The following WIF1 variants were observed in gnomAD, a reference collection of about 807,000 sequenced individuals.
WIF1 encodes the protein Wnt inhibitory factor 1.
A neutral mutation model predicts 53.5 loss-of-function variants in WIF1; 35 were observed. The observed-to-expected ratio is 0.65, with a 90% confidence interval of 0.50 to 0.87. The LOEUF is 0.87. Ranked by LOEUF, WIF1 falls within the 40% of genes least tolerant of loss-of-function variation. WIF1 has a pLI of 0.00. For missense variants in WIF1, 467 were observed against 476.8 expected (o/e 0.98, Z 0.19); for synonymous variants, 171 against 170.4 (o/e 1.00, Z -0.03).
chr12:65,062,380 A>T, intron 7 of WIF1, 101 bp downstream of exon 7: 1 of 1,007,244 alleles, frequency 9.9e-7, no homozygotes, highest in Non-Finnish European at 1.4e-6. Context: ...CAAGTTATTC[A>T]TTCTCTCTGG....
At chr12:65,102,232 A>C (rs914479932) in intron 2 of WIF1, among the ~76,000 whole-genome samples, 3 of 152,164 alleles carry the variant, frequency 2.0e-5, no homozygotes, top group Non-Finnish European at 1.5e-5. Flanking sequence ...CTCCAGAGAA[A>C]CAGAACCAAT....
intron 7 of WIF1, among the ~76,000 whole-genome samples, chr12:65,058,499 G>T (rs547965003): frequency 6.6e-6 from 1 of 152,252 alleles, no homozygotes; most frequent in South Asian, 2.1e-4. Context: ...CCGCAGTCAG[G>T]AAGGAGGACG....
At chr12:65,092,707 C>T (rs1011075092) in intron 2 of WIF1, among the ~76,000 whole-genome samples, 5 of 151,942 alleles carry the variant, frequency 3.3e-5, no homozygotes, top group South Asian at 2.1e-4. Context: ...ATAAAAATAG[C>T]GAAGAGGCCA....
At chr12:65,054,248 A>C (rs1240152817) in intron 9 of WIF1, 2 of 152,082 alleles carry the variant, frequency 1.3e-5, no homozygotes, top group Admixed American at 6.6e-5. Context: ...ATGTGACTGA[A>C]GTCTTCCTTT....
chr12:65,089,450 A>G (rs1249685419), intron 2 of WIF1, among the ~76,000 whole-genome samples: 1 of 152,246 alleles, frequency 6.6e-6, no homozygotes, highest in Middle Eastern at 3.4e-3. Context: ...AATCGGCACC[A>G]TCATCCAATT....
chr12:65,055,038 G>T, intron 9 of WIF1, 80 bp downstream of exon 9: 1 of 1,425,554 alleles, frequency 7.0e-7, no homozygotes, highest in Non-Finnish European at 9.7e-7. Context: ...AAGTGAAAAG[G>T]CTGGCCCTTC....
At chr12:65,089,364 C>A (rs932882318) in intron 2 of WIF1, among the ~76,000 whole-genome samples, 6 of 152,114 alleles carry the variant, frequency 3.9e-5, no homozygotes, top group Admixed American at 2.6e-4. Context: ...AATATTATGA[C>A]CAAAATTCAG....
rs187643770 is a variant in WIF1, at chr12:65,102,873, A to G, written c.288+17544T>C. Among the ~76,000 whole-genome samples, 20 of 152,312 alleles carry G rather than the reference A, an allele frequency of 1.3e-4. No individual in the cohort carries two copies. The East Asian group carries it at 3.3e-3, about 25-fold the overall frequency. ...ATTGGGTGGACAACTATCTATAACCAAGTAAATACCATTCTAGAAAAGCCT... is the reference window on the plus strand; with the variant it reads ...ATTGGGTGGACAACTATCTATAACCGAGTAAATACCATTCTAGAAAAGCCT... On this transcript the variant is annotated intron_variant, in intron 2 of 9. Coordinates refer to ENST00000286574, the MANE Select transcript of WIF1 (RefSeq NM_007191.5).
At chr12:65,113,098 C>T (rs187255114) in intron 2 of WIF1, among the ~76,000 whole-genome samples, 10 of 152,252 alleles carry the variant, frequency 6.6e-5, no homozygotes, top group Admixed American at 1.3e-4. Flanking sequence ...GTGCTTGAGT[C>T]GGAGAGAAAG....
intron 6 of WIF1, among the ~76,000 whole-genome samples, chr12:65,064,007 C>G (rs1012481459): frequency 6.6e-6 from 1 of 152,194 alleles, no homozygotes; most frequent in African/African-American, 2.4e-5. Context: ...TTTAGGAGAA[C>G]AAGCTCTTGG....
chr12:65,067,211 C>G (rs1317485854), intron 5 of WIF1, among the ~76,000 whole-genome samples: 2 of 152,038 alleles, frequency 1.3e-5, no homozygotes, highest in Non-Finnish European at 1.5e-5. Flanking sequence ...GTCAGATAAG[C>G]TCTTAGTATT....
chr12:65,081,521 T>C (rs1028742594), intron 2 of WIF1, among the ~76,000 whole-genome samples: 17 of 152,166 alleles, frequency 1.1e-4, no homozygotes, highest in African/African-American at 3.6e-4. Context: ...CAGCTAGGCT[T>C]AATAGATTTC....
At chr12:65,054,846 T>C (rs569026787) in intron 9 of WIF1, among the ~76,000 whole-genome samples, 62 of 152,330 alleles carry the variant, frequency 4.1e-4, no homozygotes, top group African/African-American at 1.5e-3. Flanking sequence ...ATATTTGTGA[T>C]ATTTTACAGA....
In WIF1 at chr12:65,077,853, G is replaced by C; in HGVS notation, c.290C>G (p.Ala97Gly). The C allele has an allele frequency of 1.9e-6, 3 of 1,612,278 alleles. No individual in the cohort carries two copies. The change falls in exon 3 of 10, where the codon GCA becomes GGA. Residue 97 changes from alanine to glycine, a missense_variant and splice_region_variant. By Grantham distance (60) the Ala-to-Gly change is moderately conservative. Coordinates refer to ENST00000286574, the MANE Select transcript of WIF1 (RefSeq NM_007191.5). Reference sequence around the variant, plus strand: ...GGACAGGAATTCATAGAAGTATTCTGCCTACAACCAAAGGCACTGACAGTT... The same window carrying C: ...GGACAGGAATTCATAGAAGTATTCTCCCTACAACCAAAGGCACTGACAGTT... ...MNFTWQAAGQ[A>G]EYFYEFLSLR... is the part of the protein sequence containing the mutation.
At position 65,056,366 on chromosome 12, in the gene WIF1, C is replaced by CTTTTTTTT. The variant is rs10584146; in HGVS notation, c.827-248_827-241dup. Among the ~76,000 whole-genome samples the CTTTTTTTT allele has an allele frequency of 4.1e-4, 10 of 24,264 alleles. 2 individuals carry two copies. Among genetic ancestry groups the CTTTTTTTT allele is most frequent in the African/African-American group, 9.8e-4 (7 of 7,162 alleles). 15.9% of individuals were successfully genotyped at this position (24,264 alleles called of 152,430 possible). ...GTTGCCAAAATGCTGCATTTATATC[C>CTTTTTTTT]TTTTTTTTTTTTTTTTTTTTTTTTT... is the stretch of plus-strand genomic sequence containing the variant. On this transcript the variant is annotated intron_variant, in intron 7 of 9. Coordinates refer to ENST00000286574, the MANE Select transcript of WIF1 (RefSeq NM_007191.5).
intron 2 of WIF1, among the ~76,000 whole-genome samples, chr12:65,116,472 A>T (rs1883512220): frequency 6.6e-6 from 1 of 151,200 alleles, no homozygotes; most frequent in Non-Finnish European, 1.5e-5. Flanking sequence ...CTCAGATGGG[A>T]CCATCTAGTT....
chr12:65,114,716 A>G (rs1026198653), intron 2 of WIF1, among the ~76,000 whole-genome samples: 1 of 152,190 alleles, frequency 6.6e-6, no homozygotes, highest in African/African-American at 2.4e-5. Flanking sequence ...GTGGTTATAC[A>G]TAAAAACAAA....
intron 2 of WIF1, among the ~76,000 whole-genome samples, chr12:65,112,614 A>G (rs1443678370): frequency 9.9e-5 from 15 of 152,174 alleles, no homozygotes; most frequent in Admixed American, 9.8e-4. Flanking sequence ...CATAGCCAAG[A>G]AGAGAGAAAC....
rs376695683 is a variant in WIF1, at chr12:65,083,901, C to T, written c.289-6047G>A. The T allele has an allele frequency of 2.8e-4, 93 of 337,150 alleles. 1 individual carries two copies. The highest frequency in any genetic ancestry group is 1.8e-3 in the African/African-American group (73 of 39,646). The allele number at this position is 337,150 out of a possible 1,614,324, so 20.9% of individuals were successfully genotyped here. Reference sequence around the variant, plus strand: ...TTGCCCAGGCTGGGATGCAGTAGCACGATCATGGCTCACTGTAGCCTCAAC... The same window carrying T: ...TTGCCCAGGCTGGGATGCAGTAGCATGATCATGGCTCACTGTAGCCTCAAC... On this transcript the variant is annotated intron_variant, in intron 2 of 9. Coordinates refer to ENST00000286574, the MANE Select transcript of WIF1 (RefSeq NM_007191.5).
Sources: gnomAD v4.1 joint callset for allele counts (sites outside exome capture counted in the v4.1 genomes callset) on GRCh38, gnomAD v4.1.1 for gene constraint, MANE v1.5 for transcripts, NCBI Gene and HGNC (gene_info 2026-07-23, HGNC 2026-07-21) for gene names.